Variants in MARCHF1 observed in about 807,000 individuals in gnomAD.
The protein encoded by MARCHF1 is membrane associated ring-CH-type finger 1.
Under a neutral mutation model 54.2 loss-of-function variants are expected in MARCHF1, and 40 were observed. That is an observed-to-expected ratio of 0.74 (90% CI 0.57 to 0.96). The LOEUF (loss-of-function observed/expected upper bound fraction) is 0.96. Ranked by LOEUF, MARCHF1 falls within the 40% of genes least tolerant of loss-of-function variation. The pLI, the probability that MARCHF1 is intolerant of heterozygous loss-of-function variation, is 0.00. For synonymous variants in MARCHF1, 236 were observed against 236.3 expected (o/e 1.00, Z 0.01); for missense variants, 586 against 656.5 (o/e 0.89, Z 1.17).
At chr4:164,358,695 AG>A (rs1468389248) in intron 1 of MARCHF1, among the ~76,000 whole-genome samples, 2 of 152,100 alleles carry the variant, frequency 1.3e-5, no homozygotes, top group Non-Finnish European at 2.9e-5. Flanking sequence ...TAAAATCATG[AG>A]GTTGTAATTG....
intron 8 of MARCHF1, among the ~76,000 whole-genome samples, chr4:163,560,143 T>C (rs1739422479): frequency 6.6e-6 from 1 of 152,258 alleles, no homozygotes; most frequent in African/African-American, 2.4e-5. Context: ...CAAATGTCTT[T>C]ACCTCACCCA....
In MARCHF1 at chr4:164,039,279, G is replaced by C. The variant is rs187076272; in HGVS notation, c.-247-50570C>G. Among the ~76,000 whole-genome samples, 175 of 152,276 alleles carry C rather than the reference G, an allele frequency of 1.1e-3. 1 individual carries two copies. Among genetic ancestry groups the C allele is most frequent in the African/African-American group, 4.1e-3 (172 of 41,566 alleles). ...TAATAGGAACCACAGGCTTGGTGTA[G>C]AACTTGACACTCCTTATGGAACTGC... On this transcript the variant is annotated intron_variant, in intron 2 of 9. Transcript: ENST00000514618.
chr4:164,117,044 G>T (rs774607995), intron 1 of MARCHF1, among the ~76,000 whole-genome samples: 2 of 152,002 alleles, frequency 1.3e-5, no homozygotes, highest in African/African-American at 2.4e-5. Flanking sequence ...GATCATTTGA[G>T]GTCAGGAGTT....
rs1443870135 is a variant in MARCHF1 at position 163,733,220 on chromosome 4, T to C, written c.112-32357A>G. Reference sequence around the variant, plus strand: ...ATATATATATATATATATATATATATACACGTGTATATATATATATACACG... The same window carrying C: ...ATATATATATATATATATATATATACACACGTGTATATATATATATACACG... On this transcript the variant is annotated intron_variant, in intron 4 of 9. Coordinates refer to ENST00000514618, the MANE Select transcript of MARCHF1 (RefSeq NM_001394959.1). 2.7e-3 allele frequency among the ~76,000 whole-genome samples: 79 copies of C among 29,680 alleles called. 8 individuals carry two copies. The highest frequency in any genetic ancestry group is 5.3e-3 in the African/African-American group (65 of 12,224). The allele number at this position is 29,680 out of a possible 152,430, so 19.5% of individuals were successfully genotyped here.
chr4:164,032,972 A>G (rs769525535), intron 2 of MARCHF1, among the ~76,000 whole-genome samples: 2 of 152,188 alleles, frequency 1.3e-5, no homozygotes, highest in Non-Finnish European at 2.9e-5. Flanking sequence ...GACCAATGCA[A>G]CAGAATAGAG....
chr4:163,707,316 G>A (rs188935793), intron 4 of MARCHF1, among the ~76,000 whole-genome samples: 23 of 152,098 alleles, frequency 1.5e-4, no homozygotes, highest in African/African-American at 5.3e-4. Context: ...GACTGATAAA[G>A]TTTAATTTCT....
chr4:164,094,783 T>C (rs1755372701), intron 2 of MARCHF1, among the ~76,000 whole-genome samples: 1 of 152,182 alleles, frequency 6.6e-6, no homozygotes, highest in Non-Finnish European at 1.5e-5. Flanking sequence ...ATTAATCTAT[T>C]GGATGCTTAT....
At chr4:163,899,874 CTTTTTCTT>C (rs776909080) in intron 3 of MARCHF1, among the ~76,000 whole-genome samples, 6 of 136,814 alleles carry the variant, frequency 4.4e-5, no homozygotes, top group Non-Finnish European at 6.6e-5. Context: ...CTATGCCTTT[CTTTTTCTT>C]TTTTTCTTTT....
intron 1 of MARCHF1, among the ~76,000 whole-genome samples, chr4:164,169,167 A>C (rs1011501838): frequency 6.6e-6 from 1 of 152,234 alleles, no homozygotes; most frequent in South Asian, 2.1e-4. Context: ...TTACTATCCC[A>C]TATCATCATA....
chr4:164,349,593 G>T (rs1306787644), intron 1 of MARCHF1, among the ~76,000 whole-genome samples: 2 of 152,060 alleles, frequency 1.3e-5, no homozygotes, highest in Non-Finnish European at 2.9e-5. Flanking sequence ...AATGCTTCTG[G>T]AATTAGTACA....
chr4:164,096,305 T>A (rs148256356), intron 2 of MARCHF1, among the ~76,000 whole-genome samples: 11 of 152,140 alleles, frequency 7.2e-5, no homozygotes, highest in African/African-American at 2.6e-4. Context: ...CTAAGCAAAC[T>A]AACACAGAAA....
At chr4:164,011,762 T>G (rs2110944070) in intron 2 of MARCHF1, among the ~76,000 whole-genome samples, 1 of 152,290 alleles carries the variant, frequency 6.6e-6, no homozygotes, top group Admixed American at 6.5e-5. Flanking sequence ...AATCAAAAAG[T>G]CATGTGAGGT....
chr4:164,338,862 C>T (rs895091511), intron 1 of MARCHF1, among the ~76,000 whole-genome samples: 4 of 152,044 alleles, frequency 2.6e-5, no homozygotes, highest in Admixed American at 2.0e-4. Flanking sequence ...ATCCCAGCTA[C>T]TTGGGAGGCT....
intron 1 of MARCHF1, among the ~76,000 whole-genome samples, chr4:164,270,004 C>T (rs982683543): frequency 8.5e-5 from 13 of 152,228 alleles, no homozygotes; most frequent in South Asian, 6.2e-4. Context: ...ACATATTATG[C>T]CACCTTTCTT....
chr4:164,240,073 GA>G (rs1475730003), intron 1 of MARCHF1, among the ~76,000 whole-genome samples: 1 of 152,142 alleles, frequency 6.6e-6, no homozygotes, highest in East Asian at 1.9e-4. Context: ...CTGGACAAAT[GA>G]AATAGATTGT....
intron 1 of MARCHF1, among the ~76,000 whole-genome samples, chr4:164,242,788 T>G (rs948678774): frequency 5.3e-5 from 8 of 151,566 alleles, no homozygotes; most frequent in Non-Finnish European, 1.0e-4. Flanking sequence ...CTTAAAGGAG[T>G]TGATAGAGCT....
chr4:163,612,186 G>T, intron 7 of MARCHF1, 85 bp downstream of exon 7: 2 of 1,137,094 alleles, frequency 1.8e-6, no homozygotes, highest in Non-Finnish European at 2.4e-6. Flanking sequence ...GTTAAGTTTT[G>T]AGGGTAGGTG....
At chr4:164,064,950 G>A (rs1014434852) in intron 2 of MARCHF1, among the ~76,000 whole-genome samples, 35 of 152,232 alleles carry the variant, frequency 2.3e-4, no homozygotes, top group Middle Eastern at 3.4e-3. Flanking sequence ...GATGAATTAC[G>A]TTTATTGATT....
At chr4:164,140,771 TACACAC>T (rs35269297) in intron 1 of MARCHF1, among the ~76,000 whole-genome samples, 1 of 136,692 alleles carries the variant, frequency 7.3e-6, no homozygotes, top group Non-Finnish European at 1.5e-5. Flanking sequence ...CATACATACA[TACACAC>T]ACACACACTG....
Sources: gnomAD v4.1 joint callset for allele counts (sites outside exome capture counted in the v4.1 genomes callset) on GRCh38, gnomAD v4.1.1 for gene constraint, MANE v1.5 for transcripts, NCBI Gene and HGNC (gene_info 2026-07-23, HGNC 2026-07-21) for gene names.